The following PGM5 variants were observed in gnomAD, a reference collection of about 807,000 sequenced individuals.
PGM5 encodes phosphoglucomutase 5, also known as phosphoglucomutase-like protein 5.
PGM5 carries 23 observed loss-of-function variants against 59.2 expected under a neutral mutation model. The ratio of observed to expected loss-of-function variants is 0.39; its 90% CI spans 0.28 to 0.55. The LOEUF is 0.55. Among genes scored for constraint, PGM5 ranks in the 20% least tolerant of loss-of-function variants. PGM5 has a pLI of 0.66. For synonymous variants in PGM5, 214 were observed against 286.0 expected, an observed-to-expected ratio of 0.75 and a Z score of 2.54; for missense variants, 574 against 748.3, an observed-to-expected ratio of 0.77 and a Z score of 2.72.
intron 9 of PGM5, among the ~76,000 whole-genome samples, chr9:68,486,981 C>T (rs1824306324): frequency 6.6e-6 from 1 of 152,124 alleles, no homozygotes; most frequent in African/African-American, 2.4e-5. Flanking sequence ...TTTAAAACAA[C>T]CTACTATATT....
intron 6 of PGM5, among the ~76,000 whole-genome samples, chr9:68,441,224 A>T (rs1554683683): frequency 6.6e-6 from 1 of 152,142 alleles, no homozygotes; most frequent in African/African-American, 2.4e-5. Flanking sequence ...CATTAAAAAA[A>T]TTCTAAATAA....
chr9:68,376,799 T>G, intron 1 of PGM5, among the ~76,000 whole-genome samples: 1 of 109,088 alleles, frequency 9.2e-6, no homozygotes, highest in Admixed American at 1.0e-4. Context: ...CTTTCTTTCT[T>G]TCTTTCTTTC....
At chr9:68,388,560 G>A (rs1265512672) in intron 4 of PGM5, among the ~76,000 whole-genome samples, 18 of 152,036 alleles carry the variant, frequency 1.2e-4, no homozygotes, top group African/African-American at 3.6e-4. Flanking sequence ...TGATTTACTC[G>A]TACATTTTGG....
intron 6 of PGM5, among the ~76,000 whole-genome samples, chr9:68,409,788 G>T (rs569875616): frequency 7.0e-6 from 1 of 142,434 alleles, no homozygotes; most frequent in East Asian, 2.0e-4. Context: ...TGACGAGTTA[G>T]TGGGTGCAGC....
intron 6 of PGM5, among the ~76,000 whole-genome samples, chr9:68,451,208 C>G (rs782217215): frequency 6.6e-6 from 1 of 152,166 alleles, no homozygotes; most frequent in Non-Finnish European, 1.5e-5. Context: ...GACCTGAAAA[C>G]AATTATAAGC....
chr9:68,460,613 A>C (rs1370897071), intron 6 of PGM5, among the ~76,000 whole-genome samples: 4 of 152,236 alleles, frequency 2.6e-5, no homozygotes, highest in Non-Finnish European at 4.4e-5. Flanking sequence ...TAGATAAAGC[A>C]TGCAGAAATG....
At chr9:68,519,320 T>C (rs891560695) in intron 10 of PGM5, among the ~76,000 whole-genome samples, 5 of 152,178 alleles carry the variant, frequency 3.3e-5, no homozygotes, top group African/African-American at 1.2e-4. Context: ...ATTGCTGAAA[T>C]ATGTATATTA....
chr9:68,402,160 A>G (rs1173758579), intron 6 of PGM5, among the ~76,000 whole-genome samples: 1 of 152,170 alleles, frequency 6.6e-6, no homozygotes, highest in Non-Finnish European at 1.5e-5. Context: ...GCTACTTGGG[A>G]GGCTGAGGCA....
chr9:68,527,522 G>T (rs1261630282), intron 10 of PGM5, among the ~76,000 whole-genome samples: 1 of 152,182 alleles, frequency 6.6e-6, no homozygotes, highest in Non-Finnish European at 1.5e-5. Flanking sequence ...TGGGCACTTT[G>T]CTCCTAAAGA....
At chr9:68,362,661 T>C (rs1344453774) in intron 1 of PGM5, among the ~76,000 whole-genome samples, 1 of 152,094 alleles carries the variant, frequency 6.6e-6, no homozygotes, top group African/African-American at 2.4e-5. Context: ...TGTCAAATTA[T>C]TCTAATCTCT....
intron 7 of PGM5, among the ~76,000 whole-genome samples, chr9:68,466,747 C>T (rs1823941433): frequency 6.6e-6 from 1 of 152,170 alleles, no homozygotes; most frequent in Non-Finnish European, 1.5e-5. Flanking sequence ...GGTACTGGAA[C>T]TGGGGAAGGG....
At chr9:68,465,026 C>T in intron 6 of PGM5, 67 bp from the exon 7 acceptor site, 1 of 986,390 alleles carries the variant, frequency 1.0e-6, no homozygotes, top group Non-Finnish European at 1.6e-6. Context: ...AGACTTCCTA[C>T]TGTGCTGAGA....
intron 7 of PGM5, chr9:68,466,429 T>C (rs1554685824): frequency 5.2e-6 from 1 of 192,378 alleles, no homozygotes; most frequent in Non-Finnish European, 1.1e-5. Context: ...AGTTCCAATC[T>C]CTGGTTCATC....
chr9:68,508,741 A>G (rs966776572), intron 10 of PGM5, among the ~76,000 whole-genome samples: 2 of 152,346 alleles, frequency 1.3e-5, no homozygotes, highest in South Asian at 4.1e-4. Flanking sequence ...AGCTGTGTCC[A>G]GCACAATCTG....
intron 6 of PGM5, chr9:68,429,207 A>G (rs1161438425): frequency 6.6e-6 from 1 of 152,190 alleles, no homozygotes; most frequent in East Asian, 1.9e-4. Context: ...AACTTTTCGT[A>G]TGTATTAGTT....
At chr9:68,517,801 T>C (rs1259299048) in intron 10 of PGM5, among the ~76,000 whole-genome samples, 1 of 152,356 alleles carries the variant, frequency 6.6e-6, no homozygotes. Context: ...CTTCCCTCTG[T>C]AAAGAGCTGA....
chr9:68,475,213 TTA>T (rs2132086476), intron 7 of PGM5, among the ~76,000 whole-genome samples: 1 of 149,230 alleles, frequency 6.7e-6, no homozygotes, highest in South Asian at 2.2e-4. Flanking sequence ...TTTTGTATTT[TTA>T]GTAGAGACGA....
intron 6 of PGM5, among the ~76,000 whole-genome samples, chr9:68,453,461 C>A (rs1348514146): frequency 6.6e-6 from 1 of 152,144 alleles, no homozygotes; most frequent in Non-Finnish European, 1.5e-5. Context: ...ATCTCAGCCT[C>A]CCAAGTAGAT....
intron 6 of PGM5, among the ~76,000 whole-genome samples, chr9:68,459,986 C>G (rs941083266): frequency 4.6e-5 from 7 of 152,064 alleles, no homozygotes; most frequent in African/African-American, 1.7e-4. Context: ...TAAAAGGGGT[C>G]TGAGAGTTCA....
Sources: allele counts gnomAD v4.1 joint callset (sites outside exome capture counted in the v4.1 genomes callset), GRCh38; gene constraint gnomAD v4.1.1; transcripts MANE v1.5; gene names NCBI Gene and HGNC (gene_info 2026-07-23, HGNC 2026-07-21).